The following AJAP1 variants were observed in gnomAD, a reference collection of about 807,000 sequenced individuals.
AJAP1 encodes the protein adherens junctions associated protein 1.
Under a neutral mutation model 35.0 loss-of-function variants are expected in AJAP1, and 5 were observed. The observed-to-expected ratio is 0.14, with a 90% CI of 0.07 to 0.30. The LOEUF is 0.30. AJAP1 is among the 10% of genes least tolerant of loss of function. AJAP1 has a pLI of 1.00. For synonymous variants in AJAP1, 284 were observed against 249.3 expected, an observed-to-expected ratio of 1.14 and a Z score of -1.31; for missense variants, 586 against 571.0, an observed-to-expected ratio of 1.03 and a Z score of -0.27.
At chr1:4,662,788 C>G (rs549048694) in intron 1 of AJAP1, among the ~76,000 whole-genome samples, 4 of 152,348 alleles carry the variant, frequency 2.6e-5, no homozygotes, top group African/African-American at 9.6e-5. Context: ...ATTCAATAAG[C>G]ATTTATTGAG....
intron 1 of AJAP1, among the ~76,000 whole-genome samples, chr1:4,674,778 T>G (rs371160602): frequency 2.0e-5 from 3 of 152,244 alleles, no homozygotes; most frequent in South Asian, 4.1e-4. Context: ...AGCATTCTGC[T>G]CTGCCTGCTT....
At chr1:4,686,957 G>A (rs1415223177) in intron 1 of AJAP1, among the ~76,000 whole-genome samples, 11 of 152,198 alleles carry the variant, frequency 7.2e-5, no homozygotes, top group Non-Finnish European at 1.6e-4. Context: ...GAGTGCCCGT[G>A]AGGTTGGGCT....
chr1:4,700,817 C>G (rs751613739), intron 1 of AJAP1, among the ~76,000 whole-genome samples: 3 of 152,194 alleles, frequency 2.0e-5, no homozygotes, highest in Non-Finnish European at 4.4e-5. Flanking sequence ...GATGGAGGAG[C>G]AGGCTGAACC....
intron 1 of AJAP1, among the ~76,000 whole-genome samples, chr1:4,675,981 C>G (rs1639353499): frequency 6.6e-6 from 1 of 152,192 alleles, no homozygotes; most frequent in Admixed American, 6.5e-5. Context: ...GCTGGGACGC[C>G]CACGTTTAGG....
intron 1 of AJAP1, among the ~76,000 whole-genome samples, chr1:4,666,295 A>T (rs917436613): frequency 1.3e-5 from 2 of 152,100 alleles, no homozygotes; most frequent in Non-Finnish European, 2.9e-5. Flanking sequence ...GTCAGCCCTT[A>T]GGAGTTGGGT....
intron 5 of AJAP1, chr1:4,777,866 G>A (rs1234113466): frequency 6.6e-6 from 1 of 152,148 alleles, no homozygotes; most frequent in Non-Finnish European, 1.5e-5. Flanking sequence ...ATTCAAAGGA[G>A]CCTGTTTTTC....
chr1:4,722,759 G>A (rs2100284917), intron 2 of AJAP1, among the ~76,000 whole-genome samples: 1 of 152,278 alleles, frequency 6.6e-6, no homozygotes, highest in Middle Eastern at 3.4e-3. Flanking sequence ...CCCTGTGTCT[G>A]TCTTCTAAGG....
rs148412045 is a variant in AJAP1, at chr1:4,781,880, C to T, written c.*60-665C>T. 1.4e-4 allele frequency among the ~76,000 whole-genome samples: 22 copies of T among 152,292 alleles called. No individual in the cohort carries two copies. In the East Asian group the frequency reaches 4.1e-3, roughly 28 times the overall value. On this transcript the variant is annotated intron_variant, in intron 5 of 5. Transcript: ENST00000378191. Reference sequence around the variant, plus strand: ...AGGCTCGGGCTGGCTGGGTGGGAGCCGCCCCGTCTCAGCCTGCCCGCTGAA... The same window carrying T: ...AGGCTCGGGCTGGCTGGGTGGGAGCTGCCCCGTCTCAGCCTGCCCGCTGAA...
intron 1 of AJAP1, among the ~76,000 whole-genome samples, chr1:4,689,768 C>G (rs1251980068): frequency 2.0e-5 from 3 of 152,242 alleles, no homozygotes; most frequent in African/African-American, 7.2e-5. Context: ...ACAGCTGAGC[C>G]TTGGAAAAAT....
chr1:4,703,216 C>T (rs1640028279), intron 1 of AJAP1, among the ~76,000 whole-genome samples: 2 of 152,172 alleles, frequency 1.3e-5, no homozygotes, highest in South Asian at 4.1e-4. Context: ...TGATTCACGG[C>T]TTAATGTGTT....
intron 2 of AJAP1, among the ~76,000 whole-genome samples, chr1:4,743,943 TCCA>T (rs1641127647): frequency 6.6e-6 from 1 of 152,106 alleles, no homozygotes; most frequent in African/African-American, 2.4e-5. Flanking sequence ...CTCCAGGCTC[TCCA>T]GGCTCTCCAG....
In AJAP1 at chr1:4,791,482, C is replaced by T. The variant is rs916156093; in HGVS notation, c.*8997C>T. On this transcript the variant is annotated 3_prime_UTR_variant, in exon 6 of 6. Coordinates refer to ENST00000378191, the MANE Select transcript of AJAP1 (RefSeq NM_018836.4). ...GTGGGGACAAGTCACAGAGATCTCG[C>T]CATGGTTAGCACCAGGGACAAGTCT... is the stretch of plus-strand genomic sequence containing the variant. 6.6e-6 allele frequency: 1 copy of T among 152,218 alleles called. No homozygotes were observed. The highest frequency in any genetic ancestry group is 2.4e-5 in the African/African-American group (1 of 41,454). The allele number at this position is 152,218 out of a possible 1,614,324, so 9.4% of individuals were successfully genotyped here.
At chr1:4,731,943 AC>A (rs1313256024) in intron 2 of AJAP1, among the ~76,000 whole-genome samples, 4 of 152,012 alleles carry the variant, frequency 2.6e-5, no homozygotes, top group Non-Finnish European at 5.9e-5. Flanking sequence ...TCCATCGGAC[AC>A]CCCCTGGGTG....
chr1:4,778,690 T>C (rs1186678256), intron 5 of AJAP1, among the ~76,000 whole-genome samples: 1 of 151,968 alleles, frequency 6.6e-6, no homozygotes, highest in African/African-American at 2.4e-5. Context: ...ATGCCTGTAG[T>C]CTTGGAAGAG....
chr1:4,702,750 C>T (rs1210031259), intron 1 of AJAP1, among the ~76,000 whole-genome samples: 2 of 152,144 alleles, frequency 1.3e-5, no homozygotes, highest in Admixed American at 1.3e-4. Flanking sequence ...GCTGGGTACT[C>T]TCCTCTACAC....
intron 2 of AJAP1, among the ~76,000 whole-genome samples, chr1:4,726,848 C>T (rs1640673798): frequency 6.6e-6 from 1 of 152,190 alleles, no homozygotes; most frequent in African/African-American, 2.4e-5. Context: ...GGGGATGGGG[C>T]TGCCTTCGTG....
rs1290187096 is a variant in AJAP1 at position 4,783,469 on chromosome 1, G to GTATATATATATATATATATA, written c.*985_*986insATATATATATATATATATAT. ...GAATGCCAAGGTTTTATATATGTGTGTGTATATATATATATATATATATAT... is the reference window on the plus strand; with the variant it reads ...GAATGCCAAGGTTTTATATATGTGTGTATATATATATATATATATATGTATATATATATATATATATATAT... On this transcript the variant is annotated 3_prime_UTR_variant, in exon 6 of 6. Coordinates refer to ENST00000378191, the MANE Select transcript of AJAP1 (RefSeq NM_018836.4). The GTATATATATATATATATATA allele has an allele frequency of 9.0e-6, 1 of 111,468 alleles. No homozygotes were observed. The highest frequency in any genetic ancestry group is 1.8e-5 in the Non-Finnish European group (1 of 56,020). The allele number at this position is 111,468 out of a possible 1,614,324, so 6.9% of individuals were successfully genotyped here.
intron 2 of AJAP1, among the ~76,000 whole-genome samples, chr1:4,731,725 C>G (rs1640801561): frequency 1.3e-5 from 2 of 152,222 alleles, no homozygotes; most frequent in Admixed American, 1.3e-4. Flanking sequence ...GGGCTCCAGC[C>G]TGCCTGAGAC....
At chr1:4,771,854 C>T (rs1056897497) in intron 3 of AJAP1, among the ~76,000 whole-genome samples, 5 of 152,054 alleles carry the variant, frequency 3.3e-5, no homozygotes, top group Non-Finnish European at 7.4e-5. Flanking sequence ...GATGAAGGAA[C>T]GGACCACCCC....
Sources: gnomAD v4.1 joint callset for allele counts (sites outside exome capture counted in the v4.1 genomes callset) on GRCh38, gnomAD v4.1.1 for gene constraint, MANE v1.5 for transcripts, NCBI Gene and HGNC (gene_info 2026-07-23, HGNC 2026-07-21) for gene names.